Variants in CDH13 observed in about 807,000 individuals in gnomAD.
CDH13 encodes cadherin 13.
In CDH13, 24 loss-of-function variants were observed where a neutral mutation model predicts 63.8. The ratio of observed to expected loss-of-function variants is 0.38; its 90% CI spans 0.27 to 0.53. CDH13 has a LOEUF of 0.53. Ranked by LOEUF, CDH13 falls within the 20% of genes least tolerant of loss-of-function variation. The probability of loss-of-function intolerance (pLI) is 0.85; values close to 1 mark genes in which losing one functional copy is unlikely to be tolerated. For missense variants in CDH13, 1,049 were observed against 903.1 expected, an observed-to-expected ratio of 1.16 and a Z score of -2.07; for synonymous variants, 503 against 355.3, an observed-to-expected ratio of 1.42 and a Z score of -4.67.
At chr16:83,014,316 C>T (rs1039067669) in intron 2 of CDH13, among the ~76,000 whole-genome samples, 4 of 84,426 alleles carry the variant, frequency 4.7e-5, no homozygotes, top group African/African-American at 6.0e-5. Flanking sequence ...GAGCCCAAAT[C>T]GATAAAAAAA....
intron 1 of CDH13, among the ~76,000 whole-genome samples, chr16:82,765,059 G>C (rs1331568589): frequency 6.6e-6 from 1 of 152,062 alleles, no homozygotes; most frequent in Non-Finnish European, 1.5e-5. Flanking sequence ...CAGATGATCT[G>C]CCTACCTTGG....
chr16:83,141,085 T>C (rs1008334296), intron 4 of CDH13, among the ~76,000 whole-genome samples: 3 of 152,232 alleles, frequency 2.0e-5, no homozygotes, highest in Non-Finnish European at 4.4e-5. Context: ...CTATGAATAC[T>C]TTTTTGTTGT....
At chr16:83,514,849 A>C (rs1473939518) in intron 7 of CDH13, among the ~76,000 whole-genome samples, 1 of 152,126 alleles carries the variant, frequency 6.6e-6, no homozygotes, top group East Asian at 1.9e-4. Context: ...ACTCTTGTAG[A>C]TGTCTTCTTT....
chr16:82,925,743 C>G (rs1265746031), intron 2 of CDH13, among the ~76,000 whole-genome samples: 4 of 152,198 alleles, frequency 2.6e-5, no homozygotes, highest in African/African-American at 9.6e-5. Context: ...TACCTAAGAG[C>G]AGCCCATTGC....
intron 8 of CDH13, among the ~76,000 whole-genome samples, chr16:83,612,338 G>A (rs1249524356): frequency 6.6e-6 from 1 of 151,198 alleles, no homozygotes; most frequent in Non-Finnish European, 1.5e-5. Flanking sequence ...CCTTTCTTTT[G>A]GTCAGTGTCA....
chr16:82,840,089 G>C (rs979348477), intron 1 of CDH13, among the ~76,000 whole-genome samples: 1 of 152,112 alleles, frequency 6.6e-6, no homozygotes, highest in Non-Finnish European at 1.5e-5. Context: ...CCTGACAAAG[G>C]TTTGCTTGAT....
At chr16:83,697,511 T>A (rs1020824817) in intron 10 of CDH13, among the ~76,000 whole-genome samples, 6 of 152,100 alleles carry the variant, frequency 3.9e-5, no homozygotes, top group Non-Finnish European at 8.8e-5. Flanking sequence ...TGACCGTGAG[T>A]GCAATGTTAG....
At chr16:82,770,406 G>T (rs1288032432) in intron 1 of CDH13, among the ~76,000 whole-genome samples, 1 of 152,114 alleles carries the variant, frequency 6.6e-6, no homozygotes, top group African/African-American at 2.4e-5. Context: ...CAATTATAAT[G>T]GTTCTTGACC....
chr16:82,678,813 A>T (rs1293704949), intron 1 of CDH13, among the ~76,000 whole-genome samples: 2 of 152,236 alleles, frequency 1.3e-5, no homozygotes, highest in Non-Finnish European at 2.9e-5. Flanking sequence ...TCTATCTCTT[A>T]GAGCCCAGTA....
chr16:83,102,339 T>C lies in CDH13; in HGVS notation c.367-23046T>C, dbSNP rs757049210. On this transcript the variant is annotated intron_variant, in intron 3 of 13. Coordinates refer to ENST00000567109, the MANE Select transcript of CDH13 (RefSeq NM_001257.5). ...TGTTATAGCAGCCATTGGAAACTAA[T>C]ACAGCAATTCTGTGGCTATCTGGCG... Among the ~76,000 whole-genome samples the C allele has an allele frequency of 3.2e-4, 49 of 152,336 alleles. 1 individual carries two copies. The highest frequency in any genetic ancestry group is 3.4e-3 in the Middle Eastern group (1 of 294).
chr16:83,654,090 T>C (rs1230218885), intron 8 of CDH13, among the ~76,000 whole-genome samples: 1 of 151,912 alleles, frequency 6.6e-6, no homozygotes, highest in Non-Finnish European at 1.5e-5. Flanking sequence ...GATGGGCATG[T>C]GGCTAGGGGA....
chr16:83,723,013 C>G (rs966230217), intron 10 of CDH13, among the ~76,000 whole-genome samples: 1 of 152,158 alleles, frequency 6.6e-6, no homozygotes, highest in Non-Finnish European at 1.5e-5. Flanking sequence ...GTAACTAGAG[C>G]TGGGTGACAT....
intron 1 of CDH13, among the ~76,000 whole-genome samples, chr16:82,671,459 T>C (rs936321147): frequency 6.6e-5 from 10 of 152,230 alleles, no homozygotes; most frequent in Non-Finnish European, 1.5e-4. Context: ...ACACATGTCT[T>C]TTCAAATTTT....
intron 5 of CDH13, among the ~76,000 whole-genome samples, chr16:83,231,939 GA>G (rs1292994801): frequency 1.3e-5 from 2 of 152,118 alleles, no homozygotes; most frequent in Non-Finnish European, 2.9e-5. Flanking sequence ...ATGAGATCAG[GA>G]TGTTTATAAA....
chr16:82,849,392 C>G (rs2039391516), intron 1 of CDH13, among the ~76,000 whole-genome samples: 1 of 152,132 alleles, frequency 6.6e-6, no homozygotes, highest in South Asian at 2.1e-4. Flanking sequence ...ATACCAGCTA[C>G]TCGGGAGGCC....
chr16:82,674,892 T>A (rs1206006049), intron 1 of CDH13, among the ~76,000 whole-genome samples: 1 of 152,176 alleles, frequency 6.6e-6, no homozygotes, highest in African/African-American at 2.4e-5. Flanking sequence ...ATAATTGCAT[T>A]GTCTCTGGAT....
chr16:82,939,744 C>G (rs574317864), intron 2 of CDH13, among the ~76,000 whole-genome samples: 1 of 152,296 alleles, frequency 6.6e-6, no homozygotes, highest in East Asian at 1.9e-4. Context: ...CCCTTACATC[C>G]TTGAATCTCT....
At chr16:82,707,592 T>C (rs766818893) in intron 1 of CDH13, among the ~76,000 whole-genome samples, 3 of 152,210 alleles carry the variant, frequency 2.0e-5, no homozygotes, top group African/African-American at 4.8e-5. Context: ...ACCATAGCAC[T>C]CAGGGGTGCA....
intron 1 of CDH13, among the ~76,000 whole-genome samples, chr16:82,817,063 C>T (rs77471810): frequency 0.024 from 3,628 of 152,154 alleles, 127 homozygotes; most frequent in African/African-American, 0.079. Context: ...TAGAAATCAA[C>T]CAAGTGCATT....
Sources: allele counts gnomAD v4.1 joint callset (sites outside exome capture counted in the v4.1 genomes callset), GRCh38; gene constraint gnomAD v4.1.1; transcripts MANE v1.5; gene names NCBI Gene and HGNC (gene_info 2026-07-23, HGNC 2026-07-21).